NOS1AP: variants seen among roughly 807,000 people sequenced by gnomAD.
The protein encoded by NOS1AP is nitric oxide synthase 1 adaptor protein.
In NOS1AP, 21 loss-of-function variants were observed where a neutral mutation model predicts 56.2. That is an observed-to-expected ratio of 0.37 (90% CI 0.26 to 0.54). The LOEUF is 0.54. NOS1AP is among the 20% of genes least tolerant of loss of function. The probability of loss-of-function intolerance (pLI) is 0.84; values close to 1 mark genes in which losing one functional copy is unlikely to be tolerated. For missense variants in NOS1AP, 522 were observed against 657.8 expected, an observed-to-expected ratio of 0.79 and a Z score of 2.26; for synonymous variants, 270 against 274.6, an observed-to-expected ratio of 0.98 and a Z score of 0.17.
chr1:162,219,212 T>C (rs778757766), intron 2 of NOS1AP, among the ~76,000 whole-genome samples: 1 of 152,218 alleles, frequency 6.6e-6, no homozygotes, highest in African/African-American at 2.4e-5. Flanking sequence ...TGGGTGGTTG[T>C]GATCGATGAC....
chr1:162,082,713 T>C lies in NOS1AP; in HGVS notation c.105+12431T>C, dbSNP rs72713844. On this transcript the variant is annotated intron_variant, in intron 1 of 9. Coordinates refer to ENST00000361897, the MANE Select transcript of NOS1AP (RefSeq NM_014697.3). The stretch of plus-strand genomic sequence containing the variant: ...AGTGATGTTGAGCTTTTTTTGCATA[T>C]GTTTATTGGCCCACCTCTATTTTTG... 8.4e-3 allele frequency among the ~76,000 whole-genome samples: 1,276 copies of C among 152,272 alleles called. 12 individuals carry two copies. The highest frequency in any genetic ancestry group is 0.023 in the South Asian group (109 of 4,826).
At chr1:162,220,997 C>T (rs1427680961) in intron 2 of NOS1AP, among the ~76,000 whole-genome samples, 13 of 152,046 alleles carry the variant, frequency 8.6e-5, no homozygotes, top group African/African-American at 2.2e-4. Context: ...GCTGGAGTGC[C>T]GTGGTGTGAT....
intron 2 of NOS1AP, among the ~76,000 whole-genome samples, chr1:162,156,912 T>C (rs1258148888): frequency 1.3e-5 from 2 of 152,200 alleles, no homozygotes; most frequent in Non-Finnish European, 2.9e-5. Context: ...AGGACCGTGC[T>C]GGCCCATTTG....
At chr1:162,166,377 C>T (rs1049733570) in intron 2 of NOS1AP, among the ~76,000 whole-genome samples, 4 of 152,212 alleles carry the variant, frequency 2.6e-5, no homozygotes, top group South Asian at 2.1e-4. Flanking sequence ...ATTATAGGTC[C>T]GCTGTGCCTT....
At chr1:162,152,182 C>T (rs1312726021) in intron 1 of NOS1AP, among the ~76,000 whole-genome samples, 1 of 152,096 alleles carries the variant, frequency 6.6e-6, no homozygotes, top group Non-Finnish European at 1.5e-5. Flanking sequence ...GTGTTTAGGC[C>T]CAATGGTGGG....
chr1:162,343,186 A>G (rs964816283), intron 5 of NOS1AP, among the ~76,000 whole-genome samples: 2 of 152,326 alleles, frequency 1.3e-5, no homozygotes, highest in Middle Eastern at 3.4e-3. Flanking sequence ...ACTAGGGTCA[A>G]GTTCTCTTCT....
At chr1:162,079,462 G>C (rs138400854) in intron 1 of NOS1AP, among the ~76,000 whole-genome samples, 3 of 151,820 alleles carry the variant, frequency 2.0e-5, no homozygotes, top group Non-Finnish European at 2.9e-5. Context: ...ACATGAATTT[G>C]GTTGGTAGCA....
intron 1 of NOS1AP, among the ~76,000 whole-genome samples, chr1:162,094,226 T>A (rs2102025345): frequency 6.6e-6 from 1 of 152,334 alleles, no homozygotes; most frequent in South Asian, 2.1e-4. Context: ...GAAAGTGAAC[T>A]TTGTTGTGTG....
At chr1:162,102,109 G>A (rs1033772587) in intron 1 of NOS1AP, among the ~76,000 whole-genome samples, 1 of 152,060 alleles carries the variant, frequency 6.6e-6, no homozygotes. Context: ...TTATTTTGAG[G>A]TATGTTCCAG....
At chr1:162,248,438 T>G (rs1653744263) in intron 2 of NOS1AP, among the ~76,000 whole-genome samples, 1 of 152,186 alleles carries the variant, frequency 6.6e-6, no homozygotes. Context: ...CTTTTTAAAT[T>G]TACCATAATC....
chr1:162,199,628 GTGTGTGTGTGTGTCTGTGTGTA>G (rs1250808012), intron 2 of NOS1AP, among the ~76,000 whole-genome samples: 13 of 144,258 alleles, frequency 9.0e-5, no homozygotes, highest in African/African-American at 2.6e-4. Context: ...GTGTGTGTGT[GTGTGTGTGTGTGTCTGTGTGTA>G]AATTCTTGCA....
chr1:162,116,923 T>G (rs1647982749), intron 1 of NOS1AP, among the ~76,000 whole-genome samples: 1 of 152,134 alleles, frequency 6.6e-6, no homozygotes, highest in South Asian at 2.1e-4. Context: ...TGTAGCTTTT[T>G]GGGGGGGCTG....
intron 1 of NOS1AP, among the ~76,000 whole-genome samples, chr1:162,075,960 G>T (rs1317912423): frequency 6.6e-6 from 1 of 152,148 alleles, no homozygotes; most frequent in African/African-American, 2.4e-5. Flanking sequence ...ATGGCTTTCA[G>T]TCGTAGTTCC....
intron 4 of NOS1AP, among the ~76,000 whole-genome samples, chr1:162,326,623 T>C (rs1016290755): frequency 6.6e-6 from 1 of 152,176 alleles, no homozygotes; most frequent in Non-Finnish European, 1.5e-5. Flanking sequence ...AATATATGGT[T>C]CCAGTCTGAG....
chr1:162,329,080 C>G (rs541383086), intron 4 of NOS1AP, among the ~76,000 whole-genome samples: 1 of 152,200 alleles, frequency 6.6e-6, no homozygotes, highest in East Asian at 1.9e-4. Flanking sequence ...AACCCAAAAT[C>G]CAGTTTCTTC....
At chr1:162,195,007 G>A (rs1651760080) in intron 2 of NOS1AP, among the ~76,000 whole-genome samples, 2 of 152,112 alleles carry the variant, frequency 1.3e-5, no homozygotes, top group African/African-American at 4.8e-5. Context: ...AGGATTGCTT[G>A]TGCCTCATAG....
At chr1:162,275,099 A>G (rs1435643986) in intron 2 of NOS1AP, among the ~76,000 whole-genome samples, 2 of 152,100 alleles carry the variant, frequency 1.3e-5, no homozygotes, top group South Asian at 2.1e-4. Flanking sequence ...TTTATTTTTT[A>G]TGGATCATGC....
At chr1:162,260,841 G>T (rs907464570) in intron 2 of NOS1AP, among the ~76,000 whole-genome samples, 7 of 152,072 alleles carry the variant, frequency 4.6e-5, no homozygotes, top group African/African-American at 1.7e-4. Flanking sequence ...ATCTTAATAA[G>T]TTCATCTCAA....
At chr1:162,154,310 G>A in intron 1 of NOS1AP, 95 bp from the exon 2 acceptor site, 1 of 1,000,804 alleles carries the variant, frequency 1.0e-6, no homozygotes, top group South Asian at 1.3e-5. Flanking sequence ...TCTGTAAAAT[G>A]GGCAGATGAG....
Sources: allele counts gnomAD v4.1 joint callset (sites outside exome capture counted in the v4.1 genomes callset), GRCh38; gene constraint gnomAD v4.1.1; transcripts MANE v1.5; gene names NCBI Gene and HGNC (gene_info 2026-07-23, HGNC 2026-07-21).